The following EXOC6B variants were observed in gnomAD, a reference collection of about 807,000 sequenced individuals.
EXOC6B encodes the protein SEC15 homolog B.
A neutral mutation model predicts 113.5 loss-of-function variants in EXOC6B; 54 were observed. The observed-to-expected ratio is 0.48, with a 90% CI of 0.38 to 0.60. The LOEUF is 0.60. Ranked by LOEUF, EXOC6B falls within the 20% of genes least tolerant of loss-of-function variation. EXOC6B has a pLI of 0.00. For missense variants in EXOC6B, 797 were observed against 977.5 expected, an observed-to-expected ratio of 0.82 and a Z score of 2.46; for synonymous variants, 357 against 339.0, an observed-to-expected ratio of 1.05 and a Z score of -0.58.
In EXOC6B at chr2:72,225,948, C is replaced by T. The variant is rs530761205; in HGVS notation, c.2197-41761G>A. On this transcript the variant is annotated intron_variant, in intron 20 of 21. Coordinates refer to ENST00000272427, the MANE Select transcript of EXOC6B (RefSeq NM_015189.3). ...AAAGACATGCACATCAAATTCCCTC[C>T]TCAGAAGTTGTATCCATTTATAGTA... 2.2e-4 allele frequency among the ~76,000 whole-genome samples: 34 copies of T among 152,232 alleles called. 1 individual carries two copies. Among genetic ancestry groups the T allele is most frequent in the Admixed American group, 9.2e-4 (14 of 15,278 alleles).
chr2:72,658,286 T>TAAAAAAAAAAAAAAAAA (rs60572283), intron 6 of EXOC6B, among the ~76,000 whole-genome samples: 2 of 58,724 alleles, frequency 3.4e-5, no homozygotes, highest in African/African-American at 7.4e-5. Context: ...TAAAAACTAG[T>TAAAAAAAAAAAAAAAAA]AAAAAAAAAA....
At chr2:72,734,324 T>C (rs182251081) in intron 2 of EXOC6B, among the ~76,000 whole-genome samples, 5 of 152,312 alleles carry the variant, frequency 3.3e-5, no homozygotes, top group African/African-American at 1.2e-4. Context: ...AAATTCCCTC[T>C]TTATTATTTA....
At chr2:72,312,238 G>T (rs1049337026) in intron 20 of EXOC6B, among the ~76,000 whole-genome samples, 3 of 151,894 alleles carry the variant, frequency 2.0e-5, no homozygotes, top group African/African-American at 7.3e-5. Context: ...ATTACTGGCA[G>T]GCAAGGTCCT....
intron 6 of EXOC6B, among the ~76,000 whole-genome samples, chr2:72,621,128 G>T (rs1671718609): frequency 6.6e-6 from 1 of 152,072 alleles, no homozygotes. Flanking sequence ...GTTACCACTG[G>T]ACACATCAAT....
chr2:72,273,977 T>C (rs72835299), intron 20 of EXOC6B, among the ~76,000 whole-genome samples: 8,548 of 152,198 alleles, frequency 0.056, 384 homozygotes, highest in Middle Eastern at 0.15. Context: ...TTTTATAATA[T>C]ATCTGCCACC....
intron 6 of EXOC6B, among the ~76,000 whole-genome samples, chr2:72,714,887 A>G (rs1679509367): frequency 1.3e-5 from 2 of 152,194 alleles, no homozygotes; most frequent in Non-Finnish European, 2.9e-5. Context: ...GTCTGCACAG[A>G]ACCTATTGGA....
At chr2:72,495,143 C>A (rs1699968199) in intron 15 of EXOC6B, among the ~76,000 whole-genome samples, 1 of 152,008 alleles carries the variant, frequency 6.6e-6, no homozygotes, top group Non-Finnish European at 1.5e-5. Context: ...CAAAAATGAG[C>A]CACTGCATCC....
chr2:72,563,756 T>C (rs1704014215), intron 7 of EXOC6B, among the ~76,000 whole-genome samples: 1 of 152,134 alleles, frequency 6.6e-6, no homozygotes. Flanking sequence ...TATCTTTTTC[T>C]TCTTCTCTAG....
At chr2:72,606,934 T>A (rs1210843188) in intron 6 of EXOC6B, among the ~76,000 whole-genome samples, 1 of 152,132 alleles carries the variant, frequency 6.6e-6, no homozygotes, top group Non-Finnish European at 1.5e-5. Context: ...CCTAATGTTA[T>A]CAAGATTTGA....
At chr2:72,731,419 G>A (rs1422557617) in intron 3 of EXOC6B, among the ~76,000 whole-genome samples, 174 bp from the exon 4 acceptor site, 1 of 152,164 alleles carries the variant, frequency 6.6e-6, no homozygotes, top group African/African-American at 2.4e-5. Context: ...TTCCTGCACA[G>A]TTTCCCGCTT....
At chr2:72,730,480 G>C (rs1425705413) in intron 5 of EXOC6B, among the ~76,000 whole-genome samples, 1 of 151,810 alleles carries the variant, frequency 6.6e-6, no homozygotes, top group East Asian at 1.9e-4. Context: ...TAGCTTGCTG[G>C]ACTACACTGC....
chr2:72,333,190 T>C (rs908224451), intron 20 of EXOC6B, among the ~76,000 whole-genome samples: 4 of 151,994 alleles, frequency 2.6e-5, no homozygotes, highest in Non-Finnish European at 5.9e-5. Context: ...TAATAGAAAA[T>C]AGGAACTTAA....
At chr2:72,816,631 C>G (rs1311780208) in intron 1 of EXOC6B, among the ~76,000 whole-genome samples, 1 of 152,092 alleles carries the variant, frequency 6.6e-6, no homozygotes, top group East Asian at 1.9e-4. Flanking sequence ...GATAATTTAC[C>G]TATATCATTT....
intron 6 of EXOC6B, among the ~76,000 whole-genome samples, chr2:72,656,643 G>A (rs1674596441): frequency 6.6e-6 from 1 of 151,922 alleles, no homozygotes; most frequent in Middle Eastern, 3.2e-3. Flanking sequence ...ATTGAGTAAG[G>A]GTGAAAGTCA....
intron 18 of EXOC6B, among the ~76,000 whole-genome samples, chr2:72,424,077 A>G (rs1695068099): frequency 6.6e-6 from 1 of 152,010 alleles, no homozygotes; most frequent in Non-Finnish European, 1.5e-5. Flanking sequence ...CAGGTTTTGT[A>G]TCAATATTAT....
chr2:72,707,951 GA>G (rs1298714180), intron 6 of EXOC6B, among the ~76,000 whole-genome samples: 3 of 151,912 alleles, frequency 2.0e-5, no homozygotes, highest in Non-Finnish European at 2.9e-5. Context: ...AAAACATATT[GA>G]AAGGATAAAA....
chr2:72,421,433 T>C (rs1694859485), intron 18 of EXOC6B, among the ~76,000 whole-genome samples: 1 of 152,214 alleles, frequency 6.6e-6, no homozygotes, highest in Non-Finnish European at 1.5e-5. Flanking sequence ...CACATTCTAA[T>C]TTTCAGATAA....
intron 1 of EXOC6B, among the ~76,000 whole-genome samples, chr2:72,816,598 T>C (rs775367457): frequency 1.3e-5 from 2 of 152,226 alleles, no homozygotes; most frequent in Non-Finnish European, 2.9e-5. Context: ...ACTTTTTAAA[T>C]AAAATATTTC....
rs75131641 is a variant in EXOC6B at position 72,625,589 on chromosome 2, C to T, written c.670-49921G>A. On this transcript the variant is annotated intron_variant, in intron 6 of 21. Coordinates refer to ENST00000272427, the MANE Select transcript of EXOC6B (RefSeq NM_015189.3). ...AATGAGAAACTCACAAGTAACACAT[C>T]TGGAAAGAGAACTTTTTCCTCCCAA... is the stretch of plus-strand genomic sequence containing the variant. Among the ~76,000 whole-genome samples the T allele has an allele frequency of 9.6e-3, 1,468 of 152,266 alleles. 9 individuals carry two copies. The highest frequency in any genetic ancestry group is 0.015 in the Non-Finnish European group (996 of 68,018).
Sources: gnomAD v4.1 joint callset for allele counts (sites outside exome capture counted in the v4.1 genomes callset) on GRCh38, gnomAD v4.1.1 for gene constraint, MANE v1.5 for transcripts, NCBI Gene and HGNC (gene_info 2026-07-23, HGNC 2026-07-21) for gene names.